The following DYNC2H1 variants were observed in gnomAD, a reference collection of about 807,000 sequenced individuals.
DYNC2H1 encodes dynein cytoplasmic 2 heavy chain 1.
Under a neutral mutation model 570.0 loss-of-function variants are expected in DYNC2H1, and 410 were observed. The observed-to-expected ratio is 0.72, with a 90% CI of 0.66 to 0.78. The LOEUF is 0.78. Among genes scored for constraint, DYNC2H1 ranks in the 30% least tolerant of loss-of-function variants. DYNC2H1 has a pLI of 0.00. For missense variants in DYNC2H1, 4,865 were observed against 5,046.4 expected, an observed-to-expected ratio of 0.96 and a Z score of 1.09; for synonymous variants, 1,688 against 1,677.6, an observed-to-expected ratio of 1.01 and a Z score of -0.15.
At chr11:103,331,689 A>G (rs1462015343) in intron 82 of DYNC2H1, among the ~76,000 whole-genome samples, 1 of 152,236 alleles carries the variant, frequency 6.6e-6, no homozygotes, top group East Asian at 1.9e-4. Flanking sequence ...AGAACAATCC[A>G]GAGAACCAGA....
chr11:103,315,013 A>G lies in DYNC2H1; in HGVS notation c.11650-1532A>G, dbSNP rs193200782. ...AATTTTGTTAATTGTTGATGGGTAC[A>G]TATCCTTTAGAGATCTTTAATTCTT... On this transcript the variant is annotated intron_variant, in intron 79 of 88. Transcript: ENST00000375735. Among the ~76,000 whole-genome samples the G allele has an allele frequency of 3.0e-4, 46 of 152,246 alleles. No individual in the cohort carries two copies. In the East Asian group the frequency reaches 8.5e-3, roughly 28 times the overall value.
In DYNC2H1 at chr11:103,199,411, G is replaced by A. The variant is rs1862630501; in HGVS notation, c.8023G>A (p.Val2675Ile). Reference protein sequence around the residue: ...TSLVSHMHGAVLFSPKISRGY... With the variant: ...TSLVSHMHGAILFSPKISRGY... ...TTTAGTCAGTCACATGCATGGAGCGGTCCTGTTTTCTCCAAAGATTTCCAG... is the reference window on the plus strand; with the variant it reads ...TTTAGTCAGTCACATGCATGGAGCGATCCTGTTTTCTCCAAAGATTTCCAG... Residue 2675 changes from valine to isoleucine, a missense_variant, in exon 49 of 89, where the codon GTC becomes ATC. Around this residue, in one of 5 missense-constraint regions of DYNC2H1, gnomAD observed 2,401 missense variants for 2,454.6 expected, o/e 0.98. Coordinates refer to ENST00000375735, the MANE Select transcript of DYNC2H1 (RefSeq NM_001377.3). The surrounding 1 kb of genome is among the most constrained non-coding windows in gnomAD (Gnocchi z 4.6). 6.2e-7 allele frequency: 1 copy of A among 1,612,462 alleles called. No individual in the cohort carries two copies. The highest frequency in any genetic ancestry group is 2.2e-5 in the East Asian group (1 of 44,764).
At position 103,200,116 on chromosome 11, in the gene DYNC2H1, C is replaced by G. The variant is rs368816136; in HGVS notation, c.8159C>G (p.Pro2720Arg). The G allele has an allele frequency of 1.4e-5, 22 of 1,584,860 alleles. No individual in the cohort carries two copies. The African/African-American group carries it at 3.0e-4, about 21-fold the overall frequency. Reference protein sequence around the residue: ...LLLEDYQFVHPTFLEMINSLL... With the variant: ...LLLEDYQFVHRTFLEMINSLL... ...CTTGAGGATTACCAGTTTGTACATCCTACATTTTTGGAGATGATCAATAGC... is the reference window on the plus strand; with the variant it reads ...CTTGAGGATTACCAGTTTGTACATCGTACATTTTTGGAGATGATCAATAGC... The change falls in exon 50 of 89, where the codon CCT becomes CGT. Residue 2720 changes from proline (P) to arginine (R), a missense_variant. Pro to Arg is a moderately radical substitution (Grantham distance 103, BLOSUM62 -2). Coordinates refer to ENST00000375735, the MANE Select transcript of DYNC2H1 (RefSeq NM_001377.3).
chr11:103,444,122 A>G (rs183489317), intron 85 of DYNC2H1, among the ~76,000 whole-genome samples: 1 of 150,082 alleles, frequency 6.7e-6, no homozygotes, highest in Non-Finnish European at 1.5e-5. Flanking sequence ...TCTTGACTAA[A>G]ATGTTTCCAG....
chr11:103,461,743 A>ATGTT lies in DYNC2H1; in HGVS notation c.12648+5389_12648+5392dup, dbSNP rs1945020892. On this transcript the variant is annotated intron_variant, in intron 87 of 88. Coordinates refer to ENST00000375735, the MANE Select transcript of DYNC2H1 (RefSeq NM_001377.3). The surrounding 1 kb of genome is among the most constrained non-coding windows in gnomAD (Gnocchi z 4.8). ...TCTTCAAGGTTTTTTTTTTTTAATAATGTTTAATACTTTCTATTATTAAAC... is the reference window on the plus strand; with the variant it reads ...TCTTCAAGGTTTTTTTTTTTTAATAATGTTTGTTTAATACTTTCTATTATTAAAC... 6.6e-6 allele frequency among the ~76,000 whole-genome samples: 1 copy of ATGTT among 151,562 alleles called. No homozygotes were observed. The highest frequency in any genetic ancestry group is 2.1e-4 in the South Asian group (1 of 4,800).
intron 40 of DYNC2H1, among the ~76,000 whole-genome samples, chr11:103,182,208 C>T (rs1861879053): frequency 6.6e-6 from 1 of 150,472 alleles, no homozygotes; most frequent in African/African-American, 2.4e-5. Flanking sequence ...ACTGATATGC[C>T]AGTAAATACC....
intron 84 of DYNC2H1, among the ~76,000 whole-genome samples, chr11:103,417,840 C>CA (rs1258152408): frequency 6.7e-6 from 1 of 149,350 alleles, no homozygotes; most frequent in Non-Finnish European, 1.5e-5. Flanking sequence ...TGCACCACTG[C>CA]AGTCCAGCCT....
At chr11:103,240,401 G>A (rs892497606) in intron 63 of DYNC2H1, among the ~76,000 whole-genome samples, 17 of 152,078 alleles carry the variant, frequency 1.1e-4, no homozygotes, top group African/African-American at 4.1e-4. Context: ...TACATTTAGT[G>A]GGATATGCAG....
intron 82 of DYNC2H1, among the ~76,000 whole-genome samples, chr11:103,354,909 G>C (rs1008971142): frequency 6.6e-6 from 1 of 151,022 alleles, no homozygotes; most frequent in Non-Finnish European, 1.5e-5. Flanking sequence ...AATATGAGAA[G>C]TATTGTCTTT....
chr11:103,158,808 A>G lies in DYNC2H1; in HGVS notation c.4259A>G (p.Glu1420Gly). 1 of 1,464,184 alleles carries G rather than the reference A, an allele frequency of 6.8e-7. No homozygotes were observed. The highest frequency in any genetic ancestry group is 9.1e-7 in the Non-Finnish European group (1 of 1,093,288). The allele number at this position is 1,464,184 out of a possible 1,614,324, so 90.7% of individuals were successfully genotyped here. Residue 1420 changes from glutamate to glycine, a missense_variant and splice_region_variant, in exon 27 of 89, where the codon GAG becomes GGG. This residue lies in a region of DYNC2H1 where 1,936 missense variants were observed against 1,962.1 expected (regional missense o/e 0.99). Transcript: ENST00000375735. The part of the protein sequence containing the change: ...RCQKSLNEFL[E>G]EKRSAFPRFY... ...CAGAAATCATTAAATGAATTTTTGG[A>G]GGCATGTTTTTTAAGAAAAAAATAT... is the stretch of plus-strand genomic sequence containing the variant.
intron 17 of DYNC2H1, among the ~76,000 whole-genome samples, chr11:103,136,900 T>A (rs1365521624): frequency 6.6e-6 from 1 of 151,768 alleles, no homozygotes; most frequent in African/African-American, 2.4e-5. Context: ...GTTTCCTGAC[T>A]TTTTAATGAT....
chr11:103,313,353 C>T (rs548034476), intron 79 of DYNC2H1, among the ~76,000 whole-genome samples: 2 of 152,188 alleles, frequency 1.3e-5, no homozygotes, highest in Non-Finnish European at 2.9e-5. Context: ...TTTTCCATTG[C>T]CATGGCAGTC....
At position 103,303,275 on chromosome 11, in the gene DYNC2H1, G is replaced by T. The variant is rs182513212; in HGVS notation, c.11256+22G>T. The T allele has an allele frequency of 1.1e-5, 18 of 1,596,582 alleles. No homozygotes were observed. In the East Asian group the frequency reaches 4.1e-4, roughly 36 times the overall value. On this transcript the variant is annotated intron_variant, in intron 76 of 88. Coordinates refer to ENST00000375735, the MANE Select transcript of DYNC2H1 (RefSeq NM_001377.3). ...CCAGGTAAGTACATATTGTCCCGCTGTTTTTGTTTTTGCTATTGCTGTTCC... is the reference window on the plus strand; with the variant it reads ...CCAGGTAAGTACATATTGTCCCGCTTTTTTTGTTTTTGCTATTGCTGTTCC...
At chr11:103,286,132 A>T in intron 73 of DYNC2H1, 123 bp from the exon 74 acceptor site, 1 of 1,310,538 alleles carries the variant, frequency 7.6e-7, no homozygotes, top group South Asian at 1.3e-5. Context: ...ACAAGGCAAC[A>T]CAAAGTAGAA....
chr11:103,168,342 A>G (rs74967913), intron 31 of DYNC2H1, among the ~76,000 whole-genome samples: 13,468 of 152,198 alleles, frequency 0.088, 786 homozygotes, highest in Non-Finnish European at 0.12. Context: ...GAAAAATACA[A>G]TGGTAAATCC....
chr11:103,462,334 A>G (rs190691257), intron 87 of DYNC2H1, among the ~76,000 whole-genome samples: 2 of 152,272 alleles, frequency 1.3e-5, no homozygotes, highest in Non-Finnish European at 2.9e-5. Flanking sequence ...GGCAACAAAA[A>G]TACTTCATAA....
intron 75 of DYNC2H1, among the ~76,000 whole-genome samples, chr11:103,298,094 G>A (rs1866907022): frequency 6.6e-6 from 1 of 152,126 alleles, no homozygotes; most frequent in Admixed American, 6.6e-5. Context: ...CTGATGGAAT[G>A]TGACATCTCA....
chr11:103,130,527 AG>A (rs1455556757), intron 13 of DYNC2H1, among the ~76,000 whole-genome samples: 1 of 152,258 alleles, frequency 6.6e-6, no homozygotes, highest in Non-Finnish European at 1.5e-5. Context: ...GTTTAAAAAC[AG>A]GTAAACAAAA....
At chr11:103,471,602 T>C (rs1945389378) in intron 88 of DYNC2H1, among the ~76,000 whole-genome samples, 2 of 152,210 alleles carry the variant, frequency 1.3e-5, no homozygotes, top group South Asian at 4.1e-4. Flanking sequence ...ATTTATCCTG[T>C]TGTCAATAAT....
Sources: allele counts gnomAD v4.1 joint callset (sites outside exome capture counted in the v4.1 genomes callset), GRCh38; gene constraint gnomAD v4.1.1; regional missense constraint gnomAD v4.1.1; non-coding constraint Gnocchi (gnomAD v3.1); transcripts MANE v1.5; gene names NCBI Gene and HGNC (gene_info 2026-07-23, HGNC 2026-07-21).